OGDH: variants seen among roughly 807,000 people sequenced by gnomAD.
OGDH encodes the protein oxoglutarate dehydrogenase, also known as 2-oxoglutarate dehydrogenase complex component E1.
Under a neutral mutation model 116.6 loss-of-function variants are expected in OGDH, and 38 were observed. That is an observed-to-expected ratio of 0.33 (90% confidence interval 0.25 to 0.43). The LOEUF (loss-of-function observed/expected upper bound fraction) is 0.43, where lower values mean the gene tolerates loss of function less well. OGDH is among the 20% of genes least tolerant of loss of function. The pLI, the probability that OGDH is intolerant of heterozygous loss-of-function variation, is 1.00. For synonymous variants in OGDH, 488 were observed against 533.3 expected (o/e 0.92, Z 1.17); for missense variants, 825 against 1,357.2 (o/e 0.61, Z 6.16).
At chr7:44,688,448 T>TTC (rs34855857) in intron 10 of OGDH, among the ~76,000 whole-genome samples, 1 of 150,126 alleles carries the variant, frequency 6.7e-6, no homozygotes, top group Non-Finnish European at 1.5e-5. Flanking sequence ...TTTTTTTTTT[T>TTC]GAGACGGAGT....
At position 44,694,551 on chromosome 7, in the gene OGDH, G is replaced by C. The variant is rs1202469414; in HGVS notation, c.1643G>C (p.Gly548Ala). The C allele has an allele frequency of 6.2e-7, 1 of 1,614,146 alleles. No homozygotes were observed. Among genetic ancestry groups the C allele is most frequent in the Admixed American group, 1.7e-5 (1 of 60,022 alleles). ...QKYAELLVSQGVVNQPEYEEE... is the reference protein window; with the variant it reads ...QKYAELLVSQAVVNQPEYEEE... ...TACGCTGAGCTGCTGGTGTCGCAGG[G>C]TGTGGTCAACCAGCCTGAGTATGAG... The change falls in exon 12 of 23, where the codon GGT becomes GCT. Residue 548 changes from glycine (G) to alanine (A), a missense_variant. Gly to Ala is a moderately conservative substitution (Grantham distance 60). This residue lies in a region of OGDH where 146 missense variants were observed against 317.3 expected (regional missense o/e 0.46). Transcript: ENST00000222673. The surrounding 1 kb of genome is among the most constrained non-coding windows in gnomAD (Gnocchi z 4.2).
At chr7:44,645,287 G>A (rs372654114) in intron 2 of OGDH, 40 bp from the exon 3 acceptor site, 1 of 1,580,144 alleles carries the variant, frequency 6.3e-7, no homozygotes, top group East Asian at 2.2e-5. Context: ...CCTGGACTTA[G>A]GGGAGCAGTG....
At position 44,661,685 on chromosome 7, in the gene OGDH, C is replaced by T. The variant is rs148070027; in HGVS notation, c.518-5051C>T. 2.9e-4 allele frequency among the ~76,000 whole-genome samples: 44 copies of T among 152,134 alleles called. No homozygotes were observed. In the East Asian group the frequency reaches 6.8e-3, roughly 23 times the overall value. ...GGGCGTGATCTTGGTGCACTGCAAC[C>T]TCTGCCTTCCGGTTCAAGCGATTCT... On this transcript the variant is annotated intron_variant, in intron 4 of 22. Coordinates refer to ENST00000222673, the MANE Select transcript of OGDH (RefSeq NM_002541.4).
chr7:44,699,873 T>C (rs2116384251), intron 18 of OGDH, among the ~76,000 whole-genome samples: 1 of 150,882 alleles, frequency 6.6e-6, no homozygotes, highest in Non-Finnish European at 1.5e-5. Context: ...AGAGCAGGAG[T>C]AAGAGAGTGG....
rs1788679611 is a variant in OGDH, at chr7:44,698,350, A to C, written c.2430+87A>C. The stretch of plus-strand genomic sequence containing the variant: ...AAGAGCAATCTATCTGGTCATCCTG[A>C]AGTGGCAGACCGTGCCTCTGTCCCT... On this transcript the variant is annotated intron_variant, in intron 18 of 22. Transcript: ENST00000222673. 2.9e-6 allele frequency: 4 copies of C among 1,371,494 alleles called. No individual in the cohort carries two copies. In the African/African-American group the frequency reaches 5.7e-5, roughly 20 times the overall value. 85.0% of individuals were successfully genotyped at this position (1,371,494 alleles called of 1,614,324 possible).
intron 20 of OGDH, 88 bp downstream of exon 20, chr7:44,701,703 C>A: frequency 7.8e-7 from 1 of 1,277,662 alleles, no homozygotes; most frequent in Non-Finnish European, 1.1e-6. Context: ...ATGGGACTGA[C>A]ATTTGTGATT....
At chr7:44,623,193 C>T (rs1446431952) in intron 1 of OGDH, among the ~76,000 whole-genome samples, 1 of 152,140 alleles carries the variant, frequency 6.6e-6, no homozygotes, top group African/African-American at 2.4e-5. Context: ...CTGGCTCTTC[C>T]CGTCTCTGTG....
intron 1 of OGDH, among the ~76,000 whole-genome samples, chr7:44,610,254 C>T (rs149135035): frequency 1.3e-5 from 2 of 151,960 alleles, no homozygotes; most frequent in African/African-American, 4.8e-5. Flanking sequence ...ATGTAGTTTG[C>T]AGATATTTTC....
intron 3 of OGDH, among the ~76,000 whole-genome samples, chr7:44,646,251 C>T (rs1270309958): frequency 1.3e-5 from 2 of 152,200 alleles, no homozygotes; most frequent in Admixed American, 1.3e-4. Context: ...TCTGGAAGCT[C>T]CCATGGGCAT....
At chr7:44,669,145 C>CTTTTGTTTTTTTTTTTT (rs1787315104) in intron 5 of OGDH, among the ~76,000 whole-genome samples, 1 of 77,814 alleles carries the variant, frequency 1.3e-5, no homozygotes, top group African/African-American at 7.3e-5. Context: ...AGCCCGGCAG[C>CTTTTGTTTTTTTTTTTT]TTTTTTTTTT....
At chr7:44,664,279 A>G (rs1787084980) in intron 4 of OGDH, among the ~76,000 whole-genome samples, 1 of 151,866 alleles carries the variant, frequency 6.6e-6, no homozygotes, top group Non-Finnish European at 1.5e-5. Flanking sequence ...GATTAGGGGA[A>G]GGGGCTGATG....
At chr7:44,684,738 C>T (rs1384724108) in intron 10 of OGDH, among the ~76,000 whole-genome samples, 1 of 151,586 alleles carries the variant, frequency 6.6e-6, no homozygotes, top group Non-Finnish European at 1.5e-5. Context: ...TTCCCTGTAC[C>T]AAGGGAACAG....
chr7:44,677,144 C>G (rs905143330), intron 9 of OGDH, among the ~76,000 whole-genome samples: 1 of 152,006 alleles, frequency 6.6e-6, no homozygotes, highest in African/African-American at 2.4e-5. Context: ...GACCTAAAAA[C>G]CAAATAATCA....
chr7:44,702,506 A>G (rs1047053326), intron 20 of OGDH, among the ~76,000 whole-genome samples: 1 of 152,196 alleles, frequency 6.6e-6, no homozygotes, highest in African/African-American at 2.4e-5. Context: ...CCAGTCACCA[A>G]ACCCCCTTTA....
chr7:44,635,368 A>G (rs974182826), intron 2 of OGDH, among the ~76,000 whole-genome samples: 1 of 152,194 alleles, frequency 6.6e-6, no homozygotes, highest in Non-Finnish European at 1.5e-5. Context: ...GGCCTCATCA[A>G]CTTATCAGCT....
intron 1 of OGDH, among the ~76,000 whole-genome samples, chr7:44,611,511 G>A (rs1015200737): frequency 2.6e-5 from 4 of 151,564 alleles, no homozygotes; most frequent in African/African-American, 7.3e-5. Context: ...TCCTGACCTC[G>A]TGATCCCCCC....
chr7:44,657,712 AG>A (rs1232549041), intron 4 of OGDH, among the ~76,000 whole-genome samples: 2 of 152,236 alleles, frequency 1.3e-5, no homozygotes, highest in Non-Finnish European at 2.9e-5. Context: ...CCTTAGCCCT[AG>A]ATCCCCAAAA....
intron 2 of OGDH, among the ~76,000 whole-genome samples, chr7:44,635,860 A>G (rs1278701958): frequency 1.3e-5 from 2 of 151,862 alleles, no homozygotes; most frequent in Non-Finnish European, 2.9e-5. Flanking sequence ...ACGCACCACC[A>G]CGCCCAGCTA....
intron 19 of OGDH, 135 bp from the exon 20 acceptor site, chr7:44,701,408 C>T: frequency 1.4e-6 from 1 of 704,322 alleles, no homozygotes; most frequent in South Asian, 1.6e-5. Context: ...CTCTTCTGAC[C>T]TGAGGCTCCT....
Sources: gnomAD v4.1 joint callset for allele counts (sites outside exome capture counted in the v4.1 genomes callset) on GRCh38, gnomAD v4.1.1 for gene constraint, gnomAD v4.1.1 regional missense constraint, Gnocchi (gnomAD v3.1) non-coding constraint, MANE v1.5 for transcripts, NCBI Gene and HGNC (gene_info 2026-07-23, HGNC 2026-07-21) for gene names.